The following PCDH15 variants were observed in gnomAD, a reference collection of about 807,000 sequenced individuals.
PCDH15 encodes the protein protocadherin-15.
Under a neutral mutation model 178.5 loss-of-function variants are expected in PCDH15, and 129 were observed. That is an observed-to-expected ratio of 0.72 (90% CI 0.63 to 0.84). PCDH15 has a LOEUF of 0.84. Among genes scored for constraint, PCDH15 ranks in the 40% least tolerant of loss-of-function variants. The pLI is 0.00. For missense variants in PCDH15, 2,230 were observed against 2,099.9 expected, an observed-to-expected ratio of 1.06 and a Z score of -1.21; for synonymous variants, 800 against 732.0, an observed-to-expected ratio of 1.09 and a Z score of -1.50.
At chr10:55,339,805 T>C (rs888213084) in intron 2 of PCDH15, among the ~76,000 whole-genome samples, 1 of 152,066 alleles carries the variant, frequency 6.6e-6, no homozygotes, top group South Asian at 2.1e-4. Flanking sequence ...CTTGAGTACA[T>C]GGAAAGGTGT....
intron 13 of PCDH15, among the ~76,000 whole-genome samples, chr10:54,164,562 T>C (rs1486517833): frequency 2.6e-5 from 4 of 152,220 alleles, no homozygotes; most frequent in Non-Finnish European, 4.4e-5. Flanking sequence ...AAAAATTGTC[T>C]TTCAAATGTT....
At chr10:54,398,483 A>C (rs965072366) in intron 3 of PCDH15, among the ~76,000 whole-genome samples, 3 of 151,996 alleles carry the variant, frequency 2.0e-5, no homozygotes, top group African/African-American at 7.2e-5. Context: ...CTAGCTAATA[A>C]ATTAGAGTTT....
intron 2 of PCDH15, among the ~76,000 whole-genome samples, chr10:55,043,241 C>A (rs1299993159): frequency 6.6e-6 from 1 of 151,912 alleles, no homozygotes; most frequent in African/African-American, 2.4e-5. Flanking sequence ...CCTACTGTTT[C>A]TTTACTATAA....
At chr10:54,529,849 ATAAT>A (rs1365566020) in intron 2 of PCDH15, among the ~76,000 whole-genome samples, 5 of 152,092 alleles carry the variant, frequency 3.3e-5, no homozygotes, top group Non-Finnish European at 7.4e-5. Context: ...ATAGAAATGA[ATAAT>A]TAGGCTTTGG....
At chr10:55,512,584 C>A (rs577966769) in intron 2 of PCDH15, among the ~76,000 whole-genome samples, 47 of 151,956 alleles carry the variant, frequency 3.1e-4, no homozygotes, top group African/African-American at 9.4e-4. Context: ...GTTGGTTTAC[C>A]CTTGCTCAGA....
At chr10:54,484,119 A>G (rs1170502995) in intron 3 of PCDH15, among the ~76,000 whole-genome samples, 2 of 151,886 alleles carry the variant, frequency 1.3e-5, no homozygotes, top group African/African-American at 2.4e-5. Context: ...TGCTGTTGCA[A>G]TGGAACCCAA....
chr10:55,262,853 C>T (rs552216727), intron 1 of PCDH15, among the ~76,000 whole-genome samples: 1 of 152,152 alleles, frequency 6.6e-6, no homozygotes, highest in Admixed American at 6.5e-5. Flanking sequence ...AATTCACTAA[C>T]ACAAGCTGCC....
chr10:55,033,253 T>C (rs184156133), intron 2 of PCDH15, among the ~76,000 whole-genome samples: 5 of 152,188 alleles, frequency 3.3e-5, no homozygotes, highest in East Asian at 3.9e-4. Flanking sequence ...AGGGCAATGA[T>C]TGATGGAGTT....
intron 1 of PCDH15, among the ~76,000 whole-genome samples, chr10:54,677,476 A>AGT (rs1275559565): frequency 6.6e-6 from 1 of 152,048 alleles, no homozygotes; most frequent in African/African-American, 2.4e-5. Context: ...TGTGCATGGC[A>AGT]GTGTGTGTGT....
chr10:54,626,027 A>G (rs552400918), intron 2 of PCDH15, among the ~76,000 whole-genome samples: 4 of 152,166 alleles, frequency 2.6e-5, no homozygotes, highest in Admixed American at 6.5e-5. Context: ...GTTTTAGCAA[A>G]GAGACTGGCA....
chr10:55,605,231 A>C (rs368520348), intron 2 of PCDH15, among the ~76,000 whole-genome samples: 1 of 151,950 alleles, frequency 6.6e-6, no homozygotes, highest in Non-Finnish European at 1.5e-5. Flanking sequence ...CAATAACAGG[A>C]TCTGAAATTG....
intron 26 of PCDH15, among the ~76,000 whole-genome samples, chr10:53,883,086 T>C (rs2080847369): frequency 6.6e-6 from 1 of 152,136 alleles, no homozygotes; most frequent in African/African-American, 2.4e-5. Flanking sequence ...TAGGATATTA[T>C]GATCCTAGTT....
In PCDH15 at chr10:54,198,660, C is replaced by G. The variant is rs573336320; in HGVS notation, c.1099-2771G>C. ...GGGACTACAGGCGCCCGCCACTACGCCCGGCTAATTTTTTGTATTTTTAGT... is the reference window on the plus strand; with the variant it reads ...GGGACTACAGGCGCCCGCCACTACGGCCGGCTAATTTTTTGTATTTTTAGT... On this transcript the variant is annotated intron_variant, in intron 10 of 37. Transcript: ENST00000644397. Among the ~76,000 whole-genome samples, 1,086 of 123,076 alleles carry G rather than the reference C, an allele frequency of 8.8e-3. 297 individuals carry two copies. The highest frequency in any genetic ancestry group is 0.039 in the African/African-American group (907 of 23,420). 80.7% of individuals were successfully genotyped at this position (123,076 alleles called of 152,430 possible).
chr10:55,327,760 C>A (rs1163760512), intron 2 of PCDH15, among the ~76,000 whole-genome samples: 2 of 151,904 alleles, frequency 1.3e-5, no homozygotes, highest in Non-Finnish European at 2.9e-5. Flanking sequence ...TAGCTGACAC[C>A]TAAATTTACC....
chr10:53,975,607 A>AT (rs1418777814), intron 21 of PCDH15, among the ~76,000 whole-genome samples: 1 of 151,344 alleles, frequency 6.6e-6, no homozygotes, highest in African/African-American at 2.4e-5. Context: ...ACGTCCTCTG[A>AT]TTTTTAATAG....
intron 2 of PCDH15, among the ~76,000 whole-genome samples, chr10:55,463,947 A>G (rs867642112): frequency 3.2e-5 from 1 of 31,718 alleles, no homozygotes; most frequent in African/African-American, 1.3e-4. Context: ...GAAAGAAAGA[A>G]AGAAAGAAAG....
intron 23 of PCDH15, among the ~76,000 whole-genome samples, chr10:53,958,154 T>C (rs1589620183): frequency 6.6e-6 from 1 of 152,150 alleles, no homozygotes; most frequent in Admixed American, 6.6e-5. Flanking sequence ...TAAAAAACAC[T>C]AAAGTCATCC....
chr10:55,446,316 T>C (rs1839315475), intron 2 of PCDH15, among the ~76,000 whole-genome samples: 1 of 151,540 alleles, frequency 6.6e-6, no homozygotes, highest in African/African-American at 2.4e-5. Flanking sequence ...TATGTGTATA[T>C]ATATATATAT....
At chr10:54,723,192 C>T (rs1941928487) in intron 1 of PCDH15, among the ~76,000 whole-genome samples, 1 of 151,296 alleles carries the variant, frequency 6.6e-6, no homozygotes, top group African/African-American at 2.4e-5. Context: ...GCTACTAGTA[C>T]AAAAATGGAG....
Sources: gnomAD v4.1 joint callset for allele counts (sites outside exome capture counted in the v4.1 genomes callset) on GRCh38, gnomAD v4.1.1 for gene constraint, MANE v1.5 for transcripts, NCBI Gene and HGNC (gene_info 2026-07-23, HGNC 2026-07-21) for gene names.